COG3: variants seen among roughly 807,000 people sequenced by gnomAD.
COG3 encodes conserved oligomeric Golgi complex subunit 3.
COG3 carries 32 observed loss-of-function variants against 114.1 expected under a neutral mutation model. The ratio of observed to expected loss-of-function variants is 0.28; its 90% CI spans 0.21 to 0.38. The LOEUF (loss-of-function observed/expected upper bound fraction) is 0.38. Ranked by LOEUF, COG3 falls within the 10% of genes least tolerant of loss-of-function variation. The pLI, the probability that COG3 is intolerant of heterozygous loss-of-function variation, is 1.00. For synonymous variants in COG3, 352 were observed against 365.7 expected (o/e 0.96, Z 0.43); for missense variants, 813 against 973.2 (o/e 0.84, Z 2.19).
rs1491190739 is a variant in COG3 at position 45,500,116 on chromosome 13, A to AT, written c.1489-3128_1489-3127insT. Among the ~76,000 whole-genome samples the AT allele has an allele frequency of 8.4e-4, 110 of 131,228 alleles. 1 individual carries two copies. Among genetic ancestry groups the AT allele is most frequent in the African/African-American group, 2.9e-3 (100 of 34,992 alleles). 86.1% of individuals were successfully genotyped at this position (131,228 alleles called of 152,430 possible). On this transcript the variant is annotated intron_variant, in intron 13 of 22. Coordinates refer to ENST00000349995, the MANE Select transcript of COG3 (RefSeq NM_031431.4). ...TGTGTATATATATATATATATATAT[A>AT]AAAAAGAGGCCTGATTATTTTATTT...
intron 22 of COG3, among the ~76,000 whole-genome samples, chr13:45,534,126 G>C (rs978895415): frequency 6.6e-6 from 1 of 152,216 alleles, no homozygotes; most frequent in South Asian, 2.1e-4. Flanking sequence ...GTCAGAATTG[G>C]CATGTGAGTT....
At chr13:45,508,903 A>T (rs1196228987) in intron 14 of COG3, among the ~76,000 whole-genome samples, 2 of 152,166 alleles carry the variant, frequency 1.3e-5, no homozygotes, top group African/African-American at 4.8e-5. Context: ...GATTTGACTC[A>T]GAGTGTGGAA....
At chr13:45,517,747 TCTTA>T (rs777582972) in intron 17 of COG3, among the ~76,000 whole-genome samples, 3 of 152,210 alleles carry the variant, frequency 2.0e-5, no homozygotes, top group African/African-American at 7.2e-5. Flanking sequence ...TTCTGACAGT[TCTTA>T]CTTTAAGTGA....
At chr13:45,485,294 C>G (rs1388598393) in intron 7 of COG3, among the ~76,000 whole-genome samples, 8 of 17,156 alleles carry the variant, frequency 4.7e-4, no homozygotes, top group Non-Finnish European at 1.2e-4. Context: ...AACCCCCCAC[C>G]TCCCTCCCGG....
intron 22 of COG3, among the ~76,000 whole-genome samples, chr13:45,534,100 G>A (rs1873392927): frequency 6.6e-6 from 1 of 152,212 alleles, no homozygotes; most frequent in African/African-American, 2.4e-5. Context: ...GAGCGGGCAG[G>A]TTGCTCCTGC....
In COG3 at chr13:45,534,854, T is replaced by TC. The variant is rs1201924136; in HGVS notation, c.*123_*124insC. The TC allele has an allele frequency of 7.3e-7, 1 of 1,373,490 alleles. No homozygotes were observed. The highest frequency in any genetic ancestry group is 9.4e-7 in the Non-Finnish European group (1 of 1,067,232). The allele number at this position is 1,373,490 out of a possible 1,614,324, so 85.1% of individuals were successfully genotyped here. ...GTCCCCGAGAACCACACGAGCGTGC[T>TC]GCTCAGTGCTGACTGCAGAATGAAA... On this transcript the variant is annotated 3_prime_UTR_variant, in exon 23 of 23. Transcript: ENST00000349995.
chr13:45,535,296 T>C lies in COG3; in HGVS notation c.*565T>C. The C allele has an allele frequency of 1.0e-6, 1 of 985,486 alleles. No individual in the cohort carries two copies. The highest frequency in any genetic ancestry group is 1.2e-6 in the Non-Finnish European group (1 of 829,958). 61.0% of individuals were successfully genotyped at this position (985,486 alleles called of 1,614,324 possible). A position where few individuals can be genotyped will look rare whatever the true frequency, so the allele number is the denominator to read the frequency against. On this transcript the variant is annotated 3_prime_UTR_variant, in exon 23 of 23. Coordinates refer to ENST00000349995, the MANE Select transcript of COG3 (RefSeq NM_031431.4). ...GCCTTCCTGGGAAGTCGGGGTGTCA[T>C]CCTTTCCTCTGTTTGATGTGAGGTA...
chr13:45,474,658 A>G (rs1477657299), intron 1 of COG3, among the ~76,000 whole-genome samples: 1 of 152,218 alleles, frequency 6.6e-6, no homozygotes, highest in African/African-American at 2.4e-5. Context: ...ATTTGAACCC[A>G]TACACAAAAA....
rs183118173 is a variant in COG3, at chr13:45,483,298, C to T, written c.786C>T (p.Leu262=). The T allele has an allele frequency of 2.1e-5, 33 of 1,593,410 alleles. No individual in the cohort carries two copies. Among genetic ancestry groups the T allele is most frequent in the Non-Finnish European group, 2.8e-5 (33 of 1,161,570 alleles). Residue 262 remains leucine, a synonymous_variant, in exon 7 of 23, where the codon CTC becomes CTT. Coordinates refer to ENST00000349995, the MANE Select transcript of COG3 (RefSeq NM_031431.4). ...FKQCLSKALH[L]MKTYTVNTLQ... ...AGTGTCTTTCTAAAGCTTTGCACCT[C>T]ATGAAGACATATACTGTGAACACAC...
chr13:45,500,864 C>T (rs74070406), intron 13 of COG3, among the ~76,000 whole-genome samples: 5,184 of 152,144 alleles, frequency 0.034, 280 homozygotes, highest in African/African-American at 0.11. Context: ...TTCTTGTTTT[C>T]GATGACTTAG....
intron 11 of COG3, 109 bp from the exon 12 acceptor site, chr13:45,493,238 T>TCAATA: frequency 1.2e-6 from 1 of 806,548 alleles, no homozygotes; most frequent in Non-Finnish European, 2.0e-6. Flanking sequence ...TATTTTCCAG[T>TCAATA]AGATACTTAT....
chr13:45,515,772 A>G (rs1871476186), intron 16 of COG3, among the ~76,000 whole-genome samples: 1 of 152,254 alleles, frequency 6.6e-6, no homozygotes, highest in Non-Finnish European at 1.5e-5. Context: ...AGGCCAGGTC[A>G]GGATCCTGCT....
At chr13:45,515,372 A>G (rs1241383118) in intron 16 of COG3, among the ~76,000 whole-genome samples, 1 of 152,236 alleles carries the variant, frequency 6.6e-6, no homozygotes, top group African/African-American at 2.4e-5. Flanking sequence ...TCCTAAGGTA[A>G]TATAAAAGTT....
chr13:45,508,248 G>A (rs2137875291), intron 14 of COG3, among the ~76,000 whole-genome samples: 1 of 150,382 alleles, frequency 6.6e-6, no homozygotes, highest in African/African-American at 2.4e-5. Context: ...TAATACCAGT[G>A]TATCATAGAT....
rs386379016 is a variant in COG3, at chr13:45,526,076, A to ATTTTTTTTTTTTTTTTTT, written c.2230+1038_2230+1055dup. Among the ~76,000 whole-genome samples the ATTTTTTTTTTTTTTTTTT allele has an allele frequency of 2.8e-4, 16 of 56,582 alleles. 3 individuals are homozygous for ATTTTTTTTTTTTTTTTTT. Among genetic ancestry groups the ATTTTTTTTTTTTTTTTTT allele is most frequent in the African/African-American group, 4.3e-4 (6 of 14,056 alleles). The allele number at this position is 56,582 out of a possible 152,430, so 37.1% of individuals were successfully genotyped here. A position where few individuals can be genotyped will look rare whatever the true frequency, so the allele number is the denominator to read the frequency against. On this transcript the variant is annotated intron_variant, in intron 20 of 22. Transcript: ENST00000349995. ...GCTATTCAAAGCCTCCAAAATTTTAATTTTTTTTTTTTTTTTTTTTTTTTT... is the reference window on the plus strand; with the variant it reads ...GCTATTCAAAGCCTCCAAAATTTTAATTTTTTTTTTTTTTTTTTTTTTTTTTTTTTTTTTTTTTTTTTT...
At chr13:45,517,004 TAGTA>T (rs1431940314) in intron 17 of COG3, among the ~76,000 whole-genome samples, 1 of 152,148 alleles carries the variant, frequency 6.6e-6, no homozygotes, top group African/African-American at 2.4e-5. Context: ...GTCTCTGAAT[TAGTA>T]AGAGATGATT....
At chr13:45,495,530 C>G (rs1408845037) in intron 12 of COG3, among the ~76,000 whole-genome samples, 1 of 151,890 alleles carries the variant, frequency 6.6e-6, no homozygotes, top group African/African-American at 2.4e-5. Flanking sequence ...TGCACACCAC[C>G]ACGCCTGGCT....
chr13:45,517,278 A>G (rs1871635796), intron 17 of COG3, among the ~76,000 whole-genome samples: 1 of 152,202 alleles, frequency 6.6e-6, no homozygotes, highest in Non-Finnish European at 1.5e-5. Context: ...AACCCCAAAT[A>G]TAGGATGTTC....
At chr13:45,526,438 A>G (rs190999982) in intron 20 of COG3, among the ~76,000 whole-genome samples, 1 of 152,096 alleles carries the variant, frequency 6.6e-6, no homozygotes, top group Non-Finnish European at 1.5e-5. Flanking sequence ...GAACTGAGAA[A>G]TTAGAAGAAT....
Sources: gnomAD v4.1 joint callset for allele counts (sites outside exome capture counted in the v4.1 genomes callset) on GRCh38, gnomAD v4.1.1 for gene constraint, MANE v1.5 for transcripts, NCBI Gene and HGNC (gene_info 2026-07-23, HGNC 2026-07-21) for gene names.